NEDD4: variants seen among roughly 807,000 people sequenced by gnomAD.
NEDD4 encodes the protein E3 ubiquitin-protein ligase NEDD4.
Under a neutral mutation model 144.9 loss-of-function variants are expected in NEDD4, and 99 were observed. The ratio of observed to expected loss-of-function variants is 0.68; its 90% CI spans 0.58 to 0.81. NEDD4 has a LOEUF of 0.81. NEDD4 is among the 30% of genes least tolerant of loss of function. The pLI is 0.00. For missense variants in NEDD4, 985 were observed against 1,065.9 expected (o/e 0.92, Z 1.06); for synonymous variants, 318 against 350.6 (o/e 0.91, Z 1.04).
intron 8 of NEDD4, among the ~76,000 whole-genome samples, chr15:55,866,905 T>G (rs1912398): frequency 0.33 from 49,480 of 152,112 alleles, 8,217 homozygotes; most frequent in South Asian, 0.44. Context: ...AAAATAACTT[T>G]CTAAGTATCA....
chr15:55,862,542 AAT>A (rs1226928769), intron 9 of NEDD4, among the ~76,000 whole-genome samples: 9 of 152,184 alleles, frequency 5.9e-5, no homozygotes, highest in Non-Finnish European at 8.8e-5. Flanking sequence ...ATATTTTAAA[AAT>A]AGAGTACTAT....
chr15:55,929,385 T>C (rs576073214), intron 4 of NEDD4, among the ~76,000 whole-genome samples: 108 of 152,222 alleles, frequency 7.1e-4, no homozygotes, highest in Non-Finnish European at 1.3e-3. Context: ...GTTGGTTCTA[T>C]AGATAAACTG....
intron 4 of NEDD4, among the ~76,000 whole-genome samples, chr15:55,945,736 A>C (rs985604987): frequency 1.2e-4 from 19 of 152,178 alleles, no homozygotes; most frequent in African/African-American, 4.6e-4. Flanking sequence ...AAATGAAGGA[A>C]AAAATGTTAA....
At chr15:55,881,547 A>G (rs2035193209) in intron 5 of NEDD4, among the ~76,000 whole-genome samples, 1 of 152,240 alleles carries the variant, frequency 6.6e-6, no homozygotes. Flanking sequence ...AAAAAATAGT[A>G]AAATCTCAAT....
chr15:55,954,683 C>T (rs991649803), intron 2 of NEDD4, among the ~76,000 whole-genome samples: 1 of 152,070 alleles, frequency 6.6e-6, no homozygotes, highest in African/African-American at 2.4e-5. Flanking sequence ...CATCACCACA[C>T]CTGGCTAATT....
chr15:55,945,152 G>A (rs2037085683), intron 4 of NEDD4, among the ~76,000 whole-genome samples: 1 of 152,196 alleles, frequency 6.6e-6, no homozygotes, highest in African/African-American at 2.4e-5. Context: ...AAAGCTGGAA[G>A]GAGAATGACT....
intron 12 of NEDD4, among the ~76,000 whole-genome samples, chr15:55,852,808 G>A (rs1294201591): frequency 1.3e-5 from 2 of 151,710 alleles, no homozygotes; most frequent in African/African-American, 2.4e-5. Context: ...GGAGTGCAGT[G>A]GTATGATCTC....
intron 5 of NEDD4, among the ~76,000 whole-genome samples, chr15:55,913,746 A>G (rs2036346809): frequency 6.6e-6 from 1 of 152,048 alleles, no homozygotes. Flanking sequence ...TAAAAAACAC[A>G]TTTAAAATAC....
In NEDD4 at chr15:55,834,260, A is replaced by C. The variant is rs778744413; in HGVS notation, c.2289T>G (p.Asp763Glu). 1 of 1,608,962 alleles carries C rather than the reference A, an allele frequency of 6.2e-7. No individual in the cohort carries two copies. Among genetic ancestry groups the C allele is most frequent in the Non-Finnish European group, 8.5e-7 (1 of 1,175,516 alleles). The change falls in exon 25 of 29, where the codon GAT becomes GAG. Residue 763 changes from aspartate to glutamate, a missense_variant. Physicochemically the swap from Asp to Glu is conservative, Grantham distance 45. Transcript: ENST00000435532. The stretch of plus-strand genomic sequence containing the variant: ...CATTTTCATCAAAAATTTTGATGAG[A>C]TCCTGTGGTATTAGTTCAAAGAATC... ...KEGFFELIPQDLIKIFDENEL... is the reference protein window; with the variant it reads ...KEGFFELIPQELIKIFDENEL...
intron 5 of NEDD4, among the ~76,000 whole-genome samples, chr15:55,888,069 C>A (rs541826790): frequency 6.6e-6 from 1 of 152,256 alleles, no homozygotes. Context: ...CCTCTAACAT[C>A]TGGAACATGA....
intron 5 of NEDD4, among the ~76,000 whole-genome samples, chr15:55,880,615 A>T (rs1227335415): frequency 6.6e-6 from 1 of 152,262 alleles, no homozygotes; most frequent in East Asian, 1.9e-4. Flanking sequence ...CACCAAAATG[A>T]GGGAGTGTGC....
intron 11 of NEDD4, among the ~76,000 whole-genome samples, chr15:55,859,564 G>A (rs2034323303): frequency 6.6e-6 from 1 of 152,140 alleles, no homozygotes; most frequent in Non-Finnish European, 1.5e-5. Context: ...GGGCGTGGTG[G>A]TGTGCGCCTG....
intron 5 of NEDD4, among the ~76,000 whole-genome samples, chr15:55,886,711 T>TCA (rs2035402868): frequency 6.8e-6 from 1 of 145,996 alleles, no homozygotes; most frequent in Non-Finnish European, 1.5e-5. Flanking sequence ...TGTGCCAAGG[T>TCA]CACACCACTG....
chr15:55,843,942 T>C (rs1234277529), intron 18 of NEDD4, among the ~76,000 whole-genome samples: 2 of 152,082 alleles, frequency 1.3e-5, no homozygotes, highest in African/African-American at 4.8e-5. Context: ...TCATCTGGCG[T>C]ATATGTGAAA....
At chr15:55,837,432 CAAAAAA>C (rs66970830) in intron 24 of NEDD4, among the ~76,000 whole-genome samples, 1 of 126,262 alleles carries the variant, frequency 7.9e-6, no homozygotes, top group Non-Finnish European at 1.7e-5. Context: ...ACTCCGCGCT[CAAAAAA>C]AAAAAAAAAA....
chr15:55,968,308 T>C (rs1279334313), intron 1 of NEDD4, among the ~76,000 whole-genome samples: 2 of 152,152 alleles, frequency 1.3e-5, no homozygotes, highest in African/African-American at 2.4e-5. Flanking sequence ...TAAAAGTTCA[T>C]TTAAAATTTT....
intron 2 of NEDD4, among the ~76,000 whole-genome samples, chr15:55,965,841 G>A (rs565584740): frequency 1.3e-5 from 2 of 151,852 alleles, no homozygotes; most frequent in African/African-American, 2.4e-5. Flanking sequence ...AGTAGAGACA[G>A]GGTTTCACCA....
Position 55,840,459 on chromosome 15 carries a change from A to G in NEDD4, c.2019T>C (p.Asp673=), listed in dbSNP as rs370532851. ...GAAAAAGACATACCACAGATTCCAT[A>G]TCATGAAGGGTTATTGGTTTGTGAA... ...MMLHKPITLH[D]MESVDSEYYN... The change falls in exon 21 of 29, where the codon GAT becomes GAC. Residue 673 remains aspartate, a synonymous_variant. Transcript: ENST00000435532. 12 of 1,613,434 alleles carry G rather than the reference A, an allele frequency of 7.4e-6. No individual in the cohort carries two copies. The highest frequency in any genetic ancestry group is 1.0e-5 in the Non-Finnish European group (12 of 1,179,850).
chr15:55,982,065 G>T (rs1304474712), intron 1 of NEDD4, among the ~76,000 whole-genome samples: 2 of 152,144 alleles, frequency 1.3e-5, no homozygotes, highest in African/African-American at 4.8e-5. Context: ...TGATAACCTA[G>T]GTTACTAGAG....
Sources: gnomAD v4.1 joint callset for allele counts (sites outside exome capture counted in the v4.1 genomes callset) on GRCh38, gnomAD v4.1.1 for gene constraint, MANE v1.5 for transcripts, NCBI Gene and HGNC (gene_info 2026-07-23, HGNC 2026-07-21) for gene names.